The following GRM5 variants were observed in gnomAD, a reference collection of about 807,000 sequenced individuals.
The protein encoded by GRM5 is glutamate metabotropic receptor 5.
GRM5 carries 19 observed loss-of-function variants against 83.1 expected under a neutral mutation model. That is an observed-to-expected ratio of 0.23 (90% CI 0.16 to 0.34). GRM5 has a LOEUF of 0.34. Ranked by LOEUF, GRM5 falls within the 10% of genes least tolerant of loss-of-function variation. The probability of loss-of-function intolerance (pLI) is 1.00; values close to 1 mark genes in which losing one functional copy is unlikely to be tolerated. For missense variants in GRM5, 1,160 were observed against 1,588.3 expected, an observed-to-expected ratio of 0.73 and a Z score of 4.58; for synonymous variants, 675 against 633.6, an observed-to-expected ratio of 1.07 and a Z score of -0.98.
chr11:89,055,286 T>C (rs1246128048), intron 1 of GRM5, among the ~76,000 whole-genome samples: 1 of 152,200 alleles, frequency 6.6e-6, no homozygotes, highest in African/African-American at 2.4e-5. Context: ...CATGCCTTTA[T>C]TGGCAATTGG....
At position 88,956,764 on chromosome 11, in the gene GRM5, C is replaced by T. The variant is rs1189351426; in HGVS notation, c.661+90448G>A. Among the ~76,000 whole-genome samples, 3 of 152,168 alleles carry T rather than the reference C, an allele frequency of 2.0e-5. No homozygotes were observed. The South Asian group carries it at 6.2e-4, about 31-fold the overall frequency. ...GAACTTGCAGTGAGCCGAGATTGCG[C>T]CACTGCAGTCCGGCCTGGGCGAAAG... On this transcript the variant is annotated intron_variant, in intron 2 of 9. Transcript: ENST00000305447.
chr11:89,049,061 C>T (rs753469941), intron 1 of GRM5, among the ~76,000 whole-genome samples: 2 of 152,140 alleles, frequency 1.3e-5, no homozygotes, highest in Non-Finnish European at 2.9e-5. Context: ...GTCATGAAGA[C>T]AGAAAATTCT....
chr11:88,650,780 AATTT>A (rs550312056), intron 4 of GRM5, among the ~76,000 whole-genome samples: 1 of 152,138 alleles, frequency 6.6e-6, no homozygotes, highest in South Asian at 2.1e-4. Context: ...TGTTATATTT[AATTT>A]ATTTAGCATG....
intron 3 of GRM5, among the ~76,000 whole-genome samples, chr11:88,679,881 T>C (rs1940433385): frequency 6.6e-6 from 1 of 152,148 alleles, no homozygotes; most frequent in African/African-American, 2.4e-5. Context: ...ACACTTTCTC[T>C]TAAACCTTAG....
chr11:88,796,800 A>G (rs1455456431), intron 3 of GRM5, among the ~76,000 whole-genome samples: 2 of 151,994 alleles, frequency 1.3e-5, no homozygotes, highest in Non-Finnish European at 2.9e-5. Context: ...TGTGAAGATC[A>G]TGAAGCAATA....
chr11:88,982,323 T>TA (rs1939551600), intron 2 of GRM5, among the ~76,000 whole-genome samples: 1 of 152,272 alleles, frequency 6.6e-6, no homozygotes, highest in East Asian at 1.9e-4. Flanking sequence ...TAATACAATC[T>TA]AAAAAATACA....
chr11:88,885,167 C>G (rs558628003), intron 2 of GRM5, among the ~76,000 whole-genome samples: 1 of 151,662 alleles, frequency 6.6e-6, no homozygotes, highest in African/African-American at 2.4e-5. Flanking sequence ...TTTTTAGGCT[C>G]TAGTTTAAAT....
At chr11:88,607,569 C>CT (rs1323828305) in intron 4 of GRM5, among the ~76,000 whole-genome samples, 4 of 152,174 alleles carry the variant, frequency 2.6e-5, no homozygotes, top group African/African-American at 9.7e-5. Flanking sequence ...TTCCCAGTGA[C>CT]TTTTTTCTCA....
At chr11:88,622,080 A>T (rs969645275) in intron 4 of GRM5, among the ~76,000 whole-genome samples, 7 of 71,722 alleles carry the variant, frequency 9.8e-5, no homozygotes, top group African/African-American at 3.1e-4. Context: ...TATTCCTTTA[A>T]AATCACAACA....
At chr11:89,026,200 C>T (rs1366225592) in intron 2 of GRM5, among the ~76,000 whole-genome samples, 1 of 152,182 alleles carries the variant, frequency 6.6e-6, no homozygotes, top group South Asian at 2.1e-4. Flanking sequence ...TAAAAATCTA[C>T]TCACTGGGTA....
At chr11:88,695,695 C>T (rs1045152825) in intron 3 of GRM5, among the ~76,000 whole-genome samples, 2 of 152,172 alleles carry the variant, frequency 1.3e-5, no homozygotes, top group Non-Finnish European at 2.9e-5. Context: ...TTCAAGGAAT[C>T]AACACCTATT....
At chr11:88,830,961 T>C (rs1350138212) in intron 3 of GRM5, among the ~76,000 whole-genome samples, 1 of 152,030 alleles carries the variant, frequency 6.6e-6, no homozygotes, top group Non-Finnish European at 1.5e-5. Context: ...CTCATGAGAC[T>C]TAGCATCATG....
chr11:88,983,703 T>C (rs1255177022), intron 2 of GRM5, among the ~76,000 whole-genome samples: 1 of 152,148 alleles, frequency 6.6e-6, no homozygotes, highest in Non-Finnish European at 1.5e-5. Flanking sequence ...TATTTTAGAA[T>C]ATACTCCTTC....
intron 2 of GRM5, among the ~76,000 whole-genome samples, chr11:88,935,951 CA>C (rs1937878804): frequency 6.6e-6 from 1 of 151,938 alleles, no homozygotes; most frequent in Non-Finnish European, 1.5e-5. Context: ...GTCCCTTTGA[CA>C]ACATTTAGAT....
chr11:88,875,334 A>C (rs1944834033), intron 2 of GRM5, among the ~76,000 whole-genome samples: 1 of 151,988 alleles, frequency 6.6e-6, no homozygotes, highest in East Asian at 1.9e-4. Context: ...CATCCACTCA[A>C]GTTTTACCAT....
intron 2 of GRM5, among the ~76,000 whole-genome samples, chr11:88,927,715 C>T (rs546229520): frequency 6.6e-6 from 1 of 152,166 alleles, no homozygotes; most frequent in East Asian, 1.9e-4. Context: ...CAAAGTTAAG[C>T]CACCAGTATA....
chr11:88,798,311 T>G (rs10501684), intron 3 of GRM5, among the ~76,000 whole-genome samples: 1 of 152,168 alleles, frequency 6.6e-6, no homozygotes, highest in Non-Finnish European at 1.5e-5. Flanking sequence ...CTATGTCCAA[T>G]TAATCTTTCA....
chr11:88,876,382 G>A (rs1457636565), intron 2 of GRM5, among the ~76,000 whole-genome samples: 1 of 152,152 alleles, frequency 6.6e-6, no homozygotes, highest in Non-Finnish European at 1.5e-5. Context: ...TTAAGTGAAT[G>A]TGGTGGCTGG....
At chr11:88,637,373 C>T (rs914981419) in intron 4 of GRM5, among the ~76,000 whole-genome samples, 1 of 151,212 alleles carries the variant, frequency 6.6e-6, no homozygotes, top group African/African-American at 2.4e-5. Context: ...AGGCAACCTA[C>T]AAAATGGGAG....
Sources: allele counts gnomAD v4.1 joint callset (sites outside exome capture counted in the v4.1 genomes callset), GRCh38; gene constraint gnomAD v4.1.1; transcripts MANE v1.5; gene names NCBI Gene and HGNC (gene_info 2026-07-23, HGNC 2026-07-21).